The following OSBPL1A variants were observed in gnomAD, a reference collection of about 807,000 sequenced individuals.
OSBPL1A encodes the protein oxysterol binding protein like 1A, also known as oxysterol-binding protein-related protein 1.
OSBPL1A carries 80 observed loss-of-function variants against 137.1 expected under a neutral mutation model. The ratio of observed to expected loss-of-function variants is 0.58; its 90% CI spans 0.49 to 0.70. OSBPL1A has a LOEUF of 0.70. Ranked by LOEUF, OSBPL1A falls within the 30% of genes least tolerant of loss-of-function variation. The pLI, the probability that OSBPL1A is intolerant of heterozygous loss-of-function variation, is 0.00. For synonymous variants in OSBPL1A, 365 were observed against 389.7 expected (o/e 0.94, Z 0.75); for missense variants, 970 against 1,129.4 (o/e 0.86, Z 2.02).
chr18:24,357,117 G>A (rs1432054949), intron 4 of OSBPL1A: 1 of 152,170 alleles, frequency 6.6e-6, no homozygotes, highest in Non-Finnish European at 1.5e-5. Context: ...AAAATGATGA[G>A]ACAAGTCTCA....
In OSBPL1A at chr18:24,208,237, G is replaced by A. The variant is rs867494354; in HGVS notation, c.1602-12037C>T. Among the ~76,000 whole-genome samples the A allele has an allele frequency of 4.6e-5, 7 of 151,956 alleles. No homozygotes were observed. In the South Asian group the frequency reaches 1.2e-3, roughly 27 times the overall value. On this transcript the variant is annotated intron_variant, in intron 17 of 27. Coordinates refer to ENST00000319481, the MANE Select transcript of OSBPL1A (RefSeq NM_080597.4). ...AAATTATGTTAGAGAGTAAATTACT[G>A]TAGTAATTAAAAAGTCTCACTTCAT...
intron 14 of OSBPL1A, among the ~76,000 whole-genome samples, chr18:24,301,771 AAT>A (rs1453694480): frequency 1.3e-5 from 2 of 152,242 alleles, no homozygotes; most frequent in Non-Finnish European, 2.9e-5. Context: ...TGCTGATAAA[AAT>A]ATATGTTTGT....
intron 15 of OSBPL1A, among the ~76,000 whole-genome samples, chr18:24,250,193 T>TTTTTTTTTTTTTC (rs2089044123): frequency 6.8e-6 from 1 of 147,258 alleles, no homozygotes; most frequent in Non-Finnish European, 1.5e-5. Context: ...TTTGTTTTTT[T>TTTTTTTTTTTTTC]TGACATGGAG....
intron 12 of OSBPL1A, among the ~76,000 whole-genome samples, chr18:24,313,442 G>C (rs2090663181): frequency 1.3e-5 from 2 of 151,602 alleles, no homozygotes; most frequent in African/African-American, 2.4e-5. Flanking sequence ...AAAAAGAATA[G>C]GGATAGTCCA....
In OSBPL1A at chr18:24,323,539, CTTTTTTT is replaced by C. The variant is rs763234169; in HGVS notation, c.626-4737_626-4731del. 1.8e-3 allele frequency among the ~76,000 whole-genome samples: 65 copies of C among 35,154 alleles called. 16 individuals carry two copies. Among genetic ancestry groups the C allele is most frequent in the Non-Finnish European group, 2.6e-3 (52 of 20,100 alleles). 23.1% of individuals were successfully genotyped at this position (35,154 alleles called of 152,430 possible). A position where few individuals can be genotyped will look rare whatever the true frequency, so the allele number is the denominator to read the frequency against. ...ACACCCAGCCAGGGTGAGGCTTTTT[CTTTTTTT>C]TTTTTTTTTTTTTTTATTATACTCT... is the stretch of plus-strand genomic sequence containing the variant. On this transcript the variant is annotated intron_variant, in intron 7 of 27. Transcript: ENST00000319481.
chr18:24,311,691 A>G (rs1022393125), intron 13 of OSBPL1A, among the ~76,000 whole-genome samples: 1 of 152,234 alleles, frequency 6.6e-6, no homozygotes, highest in East Asian at 1.9e-4. Flanking sequence ...CCTCGCAGCA[A>G]CTTTCAAACA....
chr18:24,341,503 T>C (rs746490269), intron 5 of OSBPL1A, 44 bp downstream of exon 5: 10 of 1,458,722 alleles, frequency 6.9e-6, no homozygotes, highest in Non-Finnish European at 9.6e-6. Context: ...ACCTTGGTTA[T>C]AATGAAAGTA....
At chr18:24,281,897 A>T (rs1373664298) in intron 14 of OSBPL1A, among the ~76,000 whole-genome samples, 1 of 152,152 alleles carries the variant, frequency 6.6e-6, no homozygotes, top group Non-Finnish European at 1.5e-5. Flanking sequence ...GTGAGTGAGC[A>T]TTACCACCTG....
chr18:24,315,823 T>TAGTATATATTATATAATAAAATATAA lies in OSBPL1A; in HGVS notation c.870+1325_870+1326insTTATATTTTATTATATAATATATACT, dbSNP rs1568021791. ...AGTATATATTATATAATAAAATATATAATATATAGTATATATTATATAATA... is the reference window on the plus strand; with the variant it reads ...AGTATATATTATATAATAAAATATATAGTATATATTATATAATAAAATATAAAATATATAGTATATATTATATAATA... On this transcript the variant is annotated intron_variant, in intron 11 of 27. Transcript: ENST00000319481. Among the ~76,000 whole-genome samples the TAGTATATATTATATAATAAAATATAA allele has an allele frequency of 3.9e-4, 45 of 113,942 alleles. 1 individual carries two copies. The East Asian group carries it at 8.8e-3, about 22-fold the overall frequency. 74.8% of individuals were successfully genotyped at this position (113,942 alleles called of 152,430 possible). A position where few individuals can be genotyped will look rare whatever the true frequency, so the allele number is the denominator to read the frequency against.
intron 4 of OSBPL1A, among the ~76,000 whole-genome samples, chr18:24,342,222 C>A (rs1190400275): frequency 4.6e-5 from 7 of 152,148 alleles, no homozygotes; most frequent in Non-Finnish European, 7.4e-5. Context: ...CAATATTCAA[C>A]AATAGATAAT....
At chr18:24,241,519 GA>G (rs1567969397) in intron 15 of OSBPL1A, among the ~76,000 whole-genome samples, 2 of 152,066 alleles carry the variant, frequency 1.3e-5, no homozygotes, top group African/African-American at 4.8e-5. Context: ...CAACAAACAT[GA>G]AAAAAAGCTC....
intron 4 of OSBPL1A, among the ~76,000 whole-genome samples, chr18:24,356,738 G>A (rs528936602): frequency 1.3e-5 from 2 of 152,262 alleles, no homozygotes; most frequent in East Asian, 1.9e-4. Flanking sequence ...ATATGGGAAG[G>A]GATGGCAGAA....
chr18:24,294,461 T>C (rs1473399058), intron 14 of OSBPL1A, among the ~76,000 whole-genome samples: 1 of 152,152 alleles, frequency 6.6e-6, no homozygotes, highest in African/African-American at 2.4e-5. Context: ...CTCGAACTCC[T>C]GACCTCAGGT....
rs200234221 is a variant in OSBPL1A at position 24,203,195 on chromosome 18, TC to T, written c.1602-6996del. Among the ~76,000 whole-genome samples, 1,485 of 152,274 alleles carry T rather than the reference TC, an allele frequency of 9.8e-3. 85 individuals are homozygous for T. In the East Asian group the frequency reaches 0.18, roughly 18 times the overall value. Reference sequence around the variant, plus strand: ...TTTCACCATGTTAGCCAGGCTGGTCTCGAACTCCTGACCGCAGGTGATCCAC... The same window carrying T: ...TTTCACCATGTTAGCCAGGCTGGTCTGAACTCCTGACCGCAGGTGATCCAC... On this transcript the variant is annotated intron_variant, in intron 17 of 27. Transcript: ENST00000319481.
intron 13 of OSBPL1A, among the ~76,000 whole-genome samples, 166 bp from the exon 14 acceptor site, chr18:24,303,884 GAATAT>G (rs2146103048): frequency 6.6e-6 from 1 of 152,224 alleles, no homozygotes; most frequent in African/African-American, 2.4e-5. Flanking sequence ...CTTGTAAACT[GAATAT>G]AACATTTAAT....
chr18:24,272,068 C>T, intron 15 of OSBPL1A: 1 of 982,278 alleles, frequency 1.0e-6, no homozygotes, highest in East Asian at 1.1e-4. Context: ...CCCAGCGCCG[C>T]TGGCGGGCGG....
At chr18:24,209,203 C>T (rs956235378) in intron 17 of OSBPL1A, among the ~76,000 whole-genome samples, 3 of 152,078 alleles carry the variant, frequency 2.0e-5, no homozygotes, top group Non-Finnish European at 4.4e-5. Flanking sequence ...GGATTAGTAT[C>T]CAGAATACAT....
chr18:24,337,865 A>G (rs1420330034), intron 5 of OSBPL1A, among the ~76,000 whole-genome samples: 1 of 151,838 alleles, frequency 6.6e-6, no homozygotes, highest in African/African-American at 2.4e-5. Flanking sequence ...AGAGATACTG[A>G]AGTACTTAGG....
intron 2 of OSBPL1A, among the ~76,000 whole-genome samples, chr18:24,372,185 G>A (rs1905699966): frequency 6.6e-6 from 1 of 151,752 alleles, no homozygotes. Flanking sequence ...TGAGGTGGGA[G>A]GATCACTTGA....
Sources: allele counts gnomAD v4.1 joint callset (sites outside exome capture counted in the v4.1 genomes callset), GRCh38; gene constraint gnomAD v4.1.1; transcripts MANE v1.5; gene names NCBI Gene and HGNC (gene_info 2026-07-23, HGNC 2026-07-21).